The following AIG1 variants were observed in gnomAD, a reference collection of about 807,000 sequenced individuals.
The protein encoded by AIG1 is androgen induced 1.
In AIG1, 23 loss-of-function variants were observed where a neutral mutation model predicts 31.4. The observed-to-expected ratio is 0.73, with a 90% CI of 0.53 to 1.04. The LOEUF is 1.04. Among genes scored for constraint, AIG1 ranks in the 50% least tolerant of loss-of-function variants. The pLI is 0.00. For missense variants in AIG1, 274 were observed against 295.0 expected (o/e 0.93, Z 0.52); for synonymous variants, 100 against 110.5 (o/e 0.90, Z 0.60).
chr6:143,160,932 T>C (rs1191456228), intron 2 of AIG1, among the ~76,000 whole-genome samples: 4 of 152,182 alleles, frequency 2.6e-5, no homozygotes, highest in Admixed American at 2.6e-4. Context: ...AAGGTAGGGA[T>C]CAAAGTATTG....
chr6:143,333,373 A>T lies in AIG1; in HGVS notation c.607A>T (p.Thr203Ser). 6.2e-7 allele frequency: 1 copy of T among 1,614,070 alleles called. No individual in the cohort carries two copies. Among genetic ancestry groups the T allele is most frequent in the Non-Finnish European group, 8.5e-7 (1 of 1,179,970 alleles). ...AGCCAGAATCATCTTCTTTGGGTCT[A>T]CAACCATCTTAATGAACTTCCTGTA... ...PGARIIFFGSTTILMNFLYLL... is the reference protein window; with the variant it reads ...PGARIIFFGSSTILMNFLYLL... Residue 203 changes from threonine to serine, a missense_variant, in exon 5 of 6, where the codon ACA becomes TCA. Physicochemically the swap from Thr to Ser is moderately conservative, Grantham distance 58. This residue lies in a region of AIG1 where 31 missense variants were observed against 56.5 expected (regional missense o/e 0.55). Transcript: ENST00000357847. The surrounding 1 kb of genome is among the most constrained non-coding windows in gnomAD (Gnocchi z 4.6).
chr6:143,064,627 T>C (rs575147118), intron 1 of AIG1, among the ~76,000 whole-genome samples: 2 of 152,344 alleles, frequency 1.3e-5, no homozygotes, highest in South Asian at 4.1e-4. Context: ...AAAACTTAAC[T>C]CTTTTTGTAC....
chr6:143,217,110 A>G (rs1175981081), intron 3 of AIG1, among the ~76,000 whole-genome samples: 1 of 152,236 alleles, frequency 6.6e-6, no homozygotes, highest in Non-Finnish European at 1.5e-5. Context: ...TATTTCTAAC[A>G]TAGAATAGAA....
chr6:143,286,653 T>C (rs1284404239), intron 4 of AIG1, among the ~76,000 whole-genome samples: 1 of 152,132 alleles, frequency 6.6e-6, no homozygotes, highest in African/African-American at 2.4e-5. Context: ...CATACCAGGG[T>C]TGTAACTGGA....
At chr6:143,104,608 CTA>C (rs1420336203) in intron 1 of AIG1, among the ~76,000 whole-genome samples, 1 of 152,100 alleles carries the variant, frequency 6.6e-6, no homozygotes, top group Non-Finnish European at 1.5e-5. Context: ...AACATAGAAA[CTA>C]TAGAATACCC....
intron 2 of AIG1, among the ~76,000 whole-genome samples, chr6:143,156,255 T>A (rs959386488): frequency 2.6e-5 from 4 of 152,248 alleles, no homozygotes; most frequent in Admixed American, 6.5e-5. Flanking sequence ...AAAGAATGCA[T>A]GTATCCGTTA....
chr6:143,267,035 C>T (rs934409841), intron 3 of AIG1, among the ~76,000 whole-genome samples: 1 of 152,218 alleles, frequency 6.6e-6, no homozygotes, highest in Non-Finnish European at 1.5e-5. Flanking sequence ...TCCTTGTCAA[C>T]GTCCTGCTTC....
chr6:143,309,383 T>C (rs1205740202), intron 4 of AIG1, among the ~76,000 whole-genome samples: 3 of 152,074 alleles, frequency 2.0e-5, no homozygotes, highest in East Asian at 1.9e-4. Context: ...ATAAAACATA[T>C]GATTTTTCTT....
intron 3 of AIG1, among the ~76,000 whole-genome samples, chr6:143,176,513 G>GCTT (rs1236960567): frequency 6.6e-6 from 1 of 151,930 alleles, no homozygotes; most frequent in East Asian, 1.9e-4. Flanking sequence ...CTTCGGCAGG[G>GCTT]CTTGCTCCAG....
intron 3 of AIG1, among the ~76,000 whole-genome samples, chr6:143,174,239 A>G (rs941709712): frequency 6.6e-6 from 1 of 152,158 alleles, no homozygotes; most frequent in Non-Finnish European, 1.5e-5. Flanking sequence ...CTGTAATCCC[A>G]GCACTTTGGG....
chr6:143,115,021 A>T (rs1306963125), intron 1 of AIG1, among the ~76,000 whole-genome samples: 1 of 152,154 alleles, frequency 6.6e-6, no homozygotes, highest in East Asian at 1.9e-4. Context: ...CATCGTGAGC[A>T]TTTTCTCAAG....
intron 1 of AIG1, among the ~76,000 whole-genome samples, chr6:143,066,431 C>A (rs1776720461): frequency 1.3e-5 from 2 of 152,016 alleles, no homozygotes; most frequent in South Asian, 4.2e-4. Flanking sequence ...TGCCACCACA[C>A]CTGGCTAATT....
intron 3 of AIG1, among the ~76,000 whole-genome samples, chr6:143,241,337 C>T (rs190850938): frequency 1.3e-5 from 2 of 152,294 alleles, no homozygotes; most frequent in Non-Finnish European, 2.9e-5. Flanking sequence ...TTTAGACTTG[C>T]GTGGAGCCCT....
chr6:143,309,177 T>C (rs1403094468), intron 4 of AIG1, among the ~76,000 whole-genome samples: 2 of 152,034 alleles, frequency 1.3e-5, no homozygotes, highest in Non-Finnish European at 2.9e-5. Flanking sequence ...TAGAATTCTA[T>C]ATCTAGGGAA....
At chr6:143,169,745 C>CAT (rs1199387626) in intron 3 of AIG1, among the ~76,000 whole-genome samples, 1 of 152,068 alleles carries the variant, frequency 6.6e-6, no homozygotes, top group Non-Finnish European at 1.5e-5. Context: ...GTGGGTTTGT[C>CAT]ATATATGGCC....
In AIG1 at chr6:143,210,754, G is replaced by A. The variant is rs377438703; in HGVS notation, c.399+45571G>A. ...AATGAAATTAACCTAGAGAAAATAC[G>A]TAGAGAGAAACCAACATGGCAGAGA... On this transcript the variant is annotated intron_variant, in intron 3 of 5. Transcript: ENST00000357847. Among the ~76,000 whole-genome samples the A allele has an allele frequency of 1.8e-4, 28 of 152,210 alleles. No homozygotes were observed. In the South Asian group the frequency reaches 3.1e-3, roughly 17 times the overall value.
rs1180814925 is a variant in AIG1 at position 143,318,044 on chromosome 6, A to G, written c.516-15238A>G. Among the ~76,000 whole-genome samples, 3 of 152,302 alleles carry G rather than the reference A, an allele frequency of 2.0e-5. No individual in the cohort carries two copies. In the East Asian group the frequency reaches 5.8e-4, roughly 29 times the overall value. On this transcript the variant is annotated intron_variant, in intron 4 of 5. Transcript: ENST00000357847. ...CATCCCATGCTCATGGATAGGTAGA[A>G]TCAATATCGTGAAAATGACCATACT...
At chr6:143,224,878 T>C (rs1792816043) in intron 3 of AIG1, among the ~76,000 whole-genome samples, 1 of 152,158 alleles carries the variant, frequency 6.6e-6, no homozygotes, top group South Asian at 2.1e-4. Flanking sequence ...GTCTAATAGA[T>C]TCCATGTACG....
chr6:143,090,833 C>A (rs758195083), intron 1 of AIG1, among the ~76,000 whole-genome samples: 8 of 151,750 alleles, frequency 5.3e-5, no homozygotes, highest in Non-Finnish European at 1.0e-4. Flanking sequence ...AAATAGGACA[C>A]CTGTGAAGTT....
Sources: gnomAD v4.1 joint callset for allele counts (sites outside exome capture counted in the v4.1 genomes callset) on GRCh38, gnomAD v4.1.1 for gene constraint, gnomAD v4.1.1 regional missense constraint, Gnocchi (gnomAD v3.1) non-coding constraint, MANE v1.5 for transcripts, NCBI Gene and HGNC (gene_info 2026-07-23, HGNC 2026-07-21) for gene names.